MRPS28: variants seen among roughly 807,000 people sequenced by gnomAD.
MRPS28 encodes the protein small ribosomal subunit protein bS1m.
MRPS28 carries 7 observed loss-of-function variants against 10.8 expected under a neutral mutation model. The ratio of observed to expected loss-of-function variants is 0.65; its 90% CI spans 0.37 to 1.22. MRPS28 has a LOEUF of 1.22. MRPS28 is among the 50% of genes most tolerant of loss of function. The pLI is 0.02. For synonymous variants in MRPS28, 121 were observed against 93.3 expected (o/e 1.30, Z -1.71); for missense variants, 265 against 232.9 (o/e 1.14, Z -0.90).
Position 80,003,174 on chromosome 8 carries a change from G to T in MRPS28, c.220C>A (p.Pro74Thr). ...GATGCAAAGGATTCCACATTTTTTGGAGAACCCTAAATATGAAAAGAGATA... is the reference window on the plus strand; with the variant it reads ...GATGCAAAGGATTCCACATTTTTTGTAGAACCCTAAATATGAAAAGAGATA... ...QKVEPLQKGS[P>T]KNVESFASML... The change falls in exon 2 of 3, where the codon CCA (proline) becomes ACA (threonine). Residue 74 changes from proline (P) to threonine (T), a missense_variant. Transcript: ENST00000276585. The T allele has an allele frequency of 6.3e-7, 1 of 1,578,508 alleles. No individual in the cohort carries two copies. Among genetic ancestry groups the T allele is most frequent in the Non-Finnish European group, 8.6e-7 (1 of 1,167,770 alleles).
chr8:80,013,025 G>A (rs1207154274), intron 1 of MRPS28, among the ~76,000 whole-genome samples: 1 of 152,010 alleles, frequency 6.6e-6, no homozygotes, highest in Non-Finnish European at 1.5e-5. Context: ...AAAACTTGCT[G>A]CAGAAGATAG....
chr8:79,994,961 G>A (rs951515376), intron 2 of MRPS28, among the ~76,000 whole-genome samples: 1 of 152,064 alleles, frequency 6.6e-6, no homozygotes, highest in African/African-American at 2.4e-5. Flanking sequence ...TCGGCACTTA[G>A]TATCTCCTAC....
intron 2 of MRPS28, among the ~76,000 whole-genome samples, chr8:79,919,542 C>A (rs928000251): frequency 6.6e-6 from 1 of 152,114 alleles, no homozygotes; most frequent in Non-Finnish European, 1.5e-5. Flanking sequence ...TTGCCCAGGC[C>A]AGGCTGGTCT....
chr8:79,919,020 C>A lies in MRPS28; in HGVS notation c.524G>T (p.Ser175Ile). Residue 175 changes from serine to isoleucine, a missense_variant, in exon 3 of 3, where the codon AGT (serine) becomes ATT (isoleucine). By Grantham distance (142) the Ser-to-Ile change is moderately radical. Transcript: ENST00000276585. ...ANAVLLGIQE[S>I]KDSRSKEEHH... ...TTCTTCTTTCGATCTTGAGTCTTTACTCTCCTGGATTCCCAAGAGAACTGC... is the reference window on the plus strand; with the variant it reads ...TTCTTCTTTCGATCTTGAGTCTTTAATCTCCTGGATTCCCAAGAGAACTGC... 6.3e-7 allele frequency: 1 copy of A among 1,584,500 alleles called. No individual in the cohort carries two copies. The highest frequency in any genetic ancestry group is 8.6e-7 in the Non-Finnish European group (1 of 1,168,626).
At chr8:80,003,426 G>A (rs1242665744) in intron 1 of MRPS28, among the ~76,000 whole-genome samples, 1 of 152,314 alleles carries the variant, frequency 6.6e-6, no homozygotes, top group East Asian at 1.9e-4. Context: ...AGCACTTTGG[G>A]AGGCCGAGGC....
intron 2 of MRPS28, among the ~76,000 whole-genome samples, chr8:79,985,265 C>T (rs1462011015): frequency 6.6e-6 from 1 of 152,200 alleles, no homozygotes; most frequent in Admixed American, 6.5e-5. Flanking sequence ...CTCTGGGACA[C>T]AGTCAAATCA....
intron 2 of MRPS28, among the ~76,000 whole-genome samples, chr8:79,970,929 A>G (rs1807614499): frequency 6.6e-6 from 1 of 152,236 alleles, no homozygotes; most frequent in South Asian, 2.1e-4. Context: ...CACCACATGT[A>G]TTGTTTGGGC....
intron 2 of MRPS28, among the ~76,000 whole-genome samples, chr8:79,919,943 C>CCCCCA (rs1554567173): frequency 2.6e-5 from 3 of 115,724 alleles, no homozygotes; most frequent in Admixed American, 1.0e-4. Context: ...GCTATCCCTC[C>CCCCCA]CCCCACCCCA....
chr8:80,030,108 C>T lies in MRPS28; in HGVS notation c.141G>A (p.Thr47=). Residue 47 remains threonine (T), a synonymous_variant, in exon 1 of 3, where the codon ACG becomes ACA. Transcript: ENST00000276585. The part of the protein sequence containing the change: ...SGSSNAKEPK[T]RAGGFASALE... ...ACGCGCTCGCGAAACCGCCTGCGCGCGTCTTAGGCTCCTTGGCATTGGAAC... is the reference window on the plus strand; with the variant it reads ...ACGCGCTCGCGAAACCGCCTGCGCGTGTCTTAGGCTCCTTGGCATTGGAAC... 6.2e-7 allele frequency: 1 copy of T among 1,613,620 alleles called. No homozygotes were observed. Among genetic ancestry groups the T allele is most frequent in the Non-Finnish European group, 8.5e-7 (1 of 1,179,962 alleles).
chr8:80,006,225 G>A (rs369100457), intron 1 of MRPS28, among the ~76,000 whole-genome samples: 17 of 152,002 alleles, frequency 1.1e-4, no homozygotes, highest in African/African-American at 2.9e-4. Flanking sequence ...AATTGACCAC[G>A]TAGTTGGAAG....
chr8:79,944,102 T>C (rs1210178315), intron 2 of MRPS28, among the ~76,000 whole-genome samples: 1 of 152,164 alleles, frequency 6.6e-6, no homozygotes, highest in Non-Finnish European at 1.5e-5. Flanking sequence ...ACTACAATAA[T>C]GAATATAAAA....
At chr8:79,971,721 G>T (rs1219444058) in intron 2 of MRPS28, among the ~76,000 whole-genome samples, 1 of 152,034 alleles carries the variant, frequency 6.6e-6, no homozygotes, top group South Asian at 2.1e-4. Flanking sequence ...TTTTTGAAAT[G>T]AAGTTTTATT....
At chr8:79,960,948 TAA>T (rs1451725144) in intron 2 of MRPS28, among the ~76,000 whole-genome samples, 1 of 152,090 alleles carries the variant, frequency 6.6e-6, no homozygotes, top group Non-Finnish European at 1.5e-5. Context: ...GGTTTCTTGC[TAA>T]GATCAACAGC....
intron 2 of MRPS28, among the ~76,000 whole-genome samples, chr8:79,958,943 A>G (rs1807300846): frequency 6.6e-6 from 1 of 152,158 alleles, no homozygotes; most frequent in South Asian, 2.1e-4. Flanking sequence ...TGGGGTTACA[A>G]TCTAGTTTTG....
intron 2 of MRPS28, among the ~76,000 whole-genome samples, chr8:79,955,220 C>T (rs1327801884): frequency 6.6e-6 from 1 of 152,148 alleles, no homozygotes; most frequent in East Asian, 1.9e-4. Flanking sequence ...AACCATCTGC[C>T]ATGCGGGGTG....
chr8:80,003,234 A>G, intron 1 of MRPS28, 54 bp from the exon 2 acceptor site: 2 of 1,237,982 alleles, frequency 1.6e-6, no homozygotes, highest in Non-Finnish European at 2.1e-6. Context: ...AAGGTATAAT[A>G]AAGTCTTAAA....
intron 2 of MRPS28, among the ~76,000 whole-genome samples, chr8:79,998,784 T>C (rs531793781): frequency 6.6e-6 from 1 of 152,262 alleles, no homozygotes; most frequent in African/African-American, 2.4e-5. Flanking sequence ...AAAATGAACA[T>C]TAAAACAAAA....
At chr8:80,022,887 T>C (rs1275243700) in intron 1 of MRPS28, among the ~76,000 whole-genome samples, 1 of 152,128 alleles carries the variant, frequency 6.6e-6, no homozygotes, top group Non-Finnish European at 1.5e-5. Flanking sequence ...AAACCTAAGG[T>C]TGGCTTGGGA....
At chr8:79,920,042 T>C (rs189403067) in intron 2 of MRPS28, among the ~76,000 whole-genome samples, 1,811 of 149,476 alleles carry the variant, frequency 0.012, 19 homozygotes, top group South Asian at 0.03. Flanking sequence ...CATGCGGTGT[T>C]TGGTTTTTTG....
Sources: gnomAD v4.1 joint callset for allele counts (sites outside exome capture counted in the v4.1 genomes callset) on GRCh38, gnomAD v4.1.1 for gene constraint, MANE v1.5 for transcripts, NCBI Gene and HGNC (gene_info 2026-07-23, HGNC 2026-07-21) for gene names.